ENTPD3: variants seen among roughly 807,000 people sequenced by gnomAD.
The protein encoded by ENTPD3 is CD39 antigen-like 3.
A neutral mutation model predicts 51.2 loss-of-function variants in ENTPD3; 60 were observed. That is an observed-to-expected ratio of 1.17 (90% confidence interval 0.95 to 1.45). The LOEUF (loss-of-function observed/expected upper bound fraction) is 1.45. ENTPD3 is among the 40% of genes most tolerant of loss of function. The pLI is 0.00. For synonymous variants in ENTPD3, 221 were observed against 238.4 expected (o/e 0.93, Z 0.67); for missense variants, 593 against 641.1 (o/e 0.93, Z 0.81).
At chr3:40,422,277 G>A (rs1490002759) in intron 7 of ENTPD3, among the ~76,000 whole-genome samples, 5 of 149,666 alleles carry the variant, frequency 3.3e-5, no homozygotes, top group African/African-American at 1.2e-4. Flanking sequence ...ATTTGCAAAA[G>A]GGAAATACTT....
chr3:40,414,904 C>T lies in ENTPD3; in HGVS notation c.597+64C>T, dbSNP rs545154743. ...TTATCCTATCCCCTGTGAGTGATAGCCTAAGTAGAGGTACATGCCATCAGG... is the reference window on the plus strand; with the variant it reads ...TTATCCTATCCCCTGTGAGTGATAGTCTAAGTAGAGGTACATGCCATCAGG... On this transcript the variant is annotated intron_variant, in intron 6 of 10. Coordinates refer to ENST00000301825, the MANE Select transcript of ENTPD3 (RefSeq NM_001248.4). The T allele has an allele frequency of 4.5e-4, 686 of 1,538,374 alleles. 11 individuals are homozygous for T. The South Asian group carries it at 7.1e-3, about 16-fold the overall frequency.
intron 4 of ENTPD3, among the ~76,000 whole-genome samples, chr3:40,407,569 G>C (rs1003755514): frequency 6.6e-6 from 1 of 152,102 alleles, no homozygotes; most frequent in Non-Finnish European, 1.5e-5. Flanking sequence ...GGGAGTTCGG[G>C]GGAGGGGGAG....
Position 40,399,020 on chromosome 3 carries a change from G to A in ENTPD3, c.169-1874G>A, listed in dbSNP as rs58836671. ...GTGAATCACTTGAGCCCAGGAGTTC[G>A]AGACCAGGCTGGGAAACATGGCGAA... is the stretch of plus-strand genomic sequence containing the variant. On this transcript the variant is annotated intron_variant, in intron 3 of 10. Coordinates refer to ENST00000301825, the MANE Select transcript of ENTPD3 (RefSeq NM_001248.4). Among the ~76,000 whole-genome samples the A allele has an allele frequency of 5.9e-3, 893 of 152,178 alleles. 13 individuals carry two copies. The highest frequency in any genetic ancestry group is 8.4e-3 in the Admixed American group (129 of 15,298).
intron 3 of ENTPD3, among the ~76,000 whole-genome samples, chr3:40,396,383 A>G (rs1021895444): frequency 1.3e-5 from 2 of 151,738 alleles, no homozygotes; most frequent in Non-Finnish European, 2.9e-5. Context: ...TTATTTTTTT[A>G]TACCATGAGC....
At chr3:40,405,515 A>AT (rs1048627742) in intron 4 of ENTPD3, among the ~76,000 whole-genome samples, 1 of 151,386 alleles carries the variant, frequency 6.6e-6, no homozygotes, top group Non-Finnish European at 1.5e-5. Flanking sequence ...AAAAAAAAAA[A>AT]ATCATTTGCC....
chr3:40,403,119 A>G (rs1175491131), intron 4 of ENTPD3, among the ~76,000 whole-genome samples: 1 of 152,100 alleles, frequency 6.6e-6, no homozygotes, highest in African/African-American at 2.4e-5. Flanking sequence ...GGATCATGGC[A>G]TTGAAAAACT....
chr3:40,423,006 G>A lies in ENTPD3; in HGVS notation c.988G>A (p.Asp330Asn), dbSNP rs758869853. 1.1e-5 allele frequency: 17 copies of A among 1,614,048 alleles called. No individual in the cohort carries two copies. The South Asian group carries it at 1.5e-4, about 15-fold the overall frequency. Residue 330 changes from aspartate to asparagine, a missense_variant, in exon 8 of 11, where the codon GAC becomes AAC. Physicochemically the swap from Asp to Asn is conservative, Grantham distance 23. Coordinates refer to ENST00000301825, the MANE Select transcript of ENTPD3 (RefSeq NM_001248.4). ...NDVITFEGTG[D>N]PSLCKEKVAS... is the part of the protein sequence containing the mutation. ...TGTCATCACTTTTGAAGGAACTGGG[G>A]ACCCATCTCTGTGTAAGGAGAAGGT...
chr3:40,411,855 C>T lies in ENTPD3; in HGVS notation c.330C>T (p.Pro110=). ...ATGGAAATAACCCCCAAGATGTCCC[C>T]AGAGCCTTTGAGGAGTGTATGCAAA... ...SSYGNNPQDV[P]RAFEECMQKV... The change falls in exon 5 of 11, where the codon CCC becomes CCT. Residue 110 remains proline (P), a synonymous_variant. Transcript: ENST00000301825. 1.2e-6 allele frequency: 2 copies of T among 1,609,770 alleles called. No individual in the cohort carries two copies. Among genetic ancestry groups the T allele is most frequent in the Non-Finnish European group, 1.7e-6 (2 of 1,178,166 alleles).
intron 4 of ENTPD3, among the ~76,000 whole-genome samples, chr3:40,402,375 T>C (rs1225969790): frequency 1.3e-5 from 2 of 152,106 alleles, no homozygotes; most frequent in African/African-American, 4.8e-5. Context: ...TGCCTCGGCC[T>C]CCCAAAGTGC....
intron 10 of ENTPD3, chr3:40,424,209 G>A (rs1329082119): frequency 4.1e-6 from 4 of 973,438 alleles, no homozygotes; most frequent in Non-Finnish European, 4.9e-6. Context: ...GGTCCTGGAG[G>A]GCAGAGACCT....
intron 7 of ENTPD3, among the ~76,000 whole-genome samples, chr3:40,420,283 TG>T (rs1559517849): frequency 9.2e-6 from 1 of 108,574 alleles, no homozygotes; most frequent in Admixed American, 1.0e-4. Flanking sequence ...TCACCCAGGC[TG>T]GAGTGCAGTG....
In ENTPD3 at chr3:40,423,044, T is replaced by C. The variant is rs1224278164; in HGVS notation, c.1026T>C (p.Phe342=). Residue 342 remains phenylalanine (F), a synonymous_variant, in exon 8 of 11, where the codon TTT becomes TTC. Coordinates refer to ENST00000301825, the MANE Select transcript of ENTPD3 (RefSeq NM_001248.4). ...GTAAGGAGAAGGTGGCTTCCATATT[T>C]GACTTCAAAGCTTGCCATGATCAAG... ...SLCKEKVASI[F]DFKACHDQET... is the part of the protein sequence containing the mutation. The C allele has an allele frequency of 6.2e-7, 1 of 1,614,146 alleles. No homozygotes were observed. Among genetic ancestry groups the C allele is most frequent in the Non-Finnish European group, 8.5e-7 (1 of 1,180,002 alleles).
chr3:40,408,542 A>G (rs1409091265), intron 4 of ENTPD3, among the ~76,000 whole-genome samples: 1 of 152,256 alleles, frequency 6.6e-6, no homozygotes, highest in African/African-American at 2.4e-5. Flanking sequence ...TGTGATGTTC[A>G]GCATAGTTTT....
chr3:40,401,332 T>A (rs1369188158), intron 4 of ENTPD3, among the ~76,000 whole-genome samples: 1 of 152,148 alleles, frequency 6.6e-6, no homozygotes, highest in East Asian at 1.9e-4. Context: ...GGGTCAGAAA[T>A]AAAGGACAAT....
chr3:40,398,321 AG>A (rs1406333368), intron 3 of ENTPD3, among the ~76,000 whole-genome samples: 1 of 152,156 alleles, frequency 6.6e-6, no homozygotes, highest in Non-Finnish European at 1.5e-5. Context: ...GAGGAAAGGA[AG>A]GTGACAGTTT....
intron 7 of ENTPD3, among the ~76,000 whole-genome samples, chr3:40,419,184 T>C (rs1213317123): frequency 6.6e-6 from 1 of 152,182 alleles, no homozygotes; most frequent in Admixed American, 6.5e-5. Context: ...AACAATAATA[T>C]AATAAGCCTT....
intron 3 of ENTPD3, among the ~76,000 whole-genome samples, chr3:40,395,483 G>A (rs938557238): frequency 9.9e-5 from 15 of 152,216 alleles, no homozygotes; most frequent in Non-Finnish European, 5.9e-5. Context: ...ACACTGGTGA[G>A]GGACTAGGGA....
intron 4 of ENTPD3, among the ~76,000 whole-genome samples, chr3:40,410,271 T>C (rs1955597008): frequency 6.6e-6 from 1 of 151,842 alleles, no homozygotes; most frequent in African/African-American, 2.4e-5. Context: ...CAAAACTCTG[T>C]CTCTACAAAA....
rs140044481 is a variant in ENTPD3 at position 40,407,552 on chromosome 3, G to C, written c.287-4260G>C. 5.9e-3 allele frequency among the ~76,000 whole-genome samples: 904 copies of C among 152,254 alleles called. 11 individuals are homozygous for C. Among genetic ancestry groups the C allele is most frequent in the African/African-American group, 0.021 (877 of 41,546 alleles). Reference sequence around the variant, plus strand: ...ACAGTGATGTGGAGTTGTCAGATAGGCAAGTCGGGAGTTCGGGGGAGGGGG... The same window carrying C: ...ACAGTGATGTGGAGTTGTCAGATAGCCAAGTCGGGAGTTCGGGGGAGGGGG... On this transcript the variant is annotated intron_variant, in intron 4 of 10. Transcript: ENST00000301825.
Sources: allele counts gnomAD v4.1 joint callset (sites outside exome capture counted in the v4.1 genomes callset), GRCh38; gene constraint gnomAD v4.1.1; transcripts MANE v1.5; gene names NCBI Gene and HGNC (gene_info 2026-07-23, HGNC 2026-07-21).